Variants in DRICH1 observed in about 807,000 individuals in gnomAD.
DRICH1 encodes the protein aspartate rich 1.
In DRICH1, 38 loss-of-function variants were observed where a neutral mutation model predicts 39.5. The ratio of observed to expected loss-of-function variants is 0.96; its 90% CI spans 0.74 to 1.26. The LOEUF is 1.26. Ranked by LOEUF, DRICH1 falls within the 50% of genes most tolerant of loss-of-function variation. DRICH1 has a pLI of 0.00. For missense variants in DRICH1, 279 were observed against 270.4 expected (o/e 1.03, Z -0.22); for synonymous variants, 84 against 99.5 (o/e 0.84, Z 0.93).
At chr22:23,618,445 T>A (rs1927511038) in intron 6 of DRICH1, among the ~76,000 whole-genome samples, 1 of 152,030 alleles carries the variant, frequency 6.6e-6, no homozygotes. Flanking sequence ...AGAGATCATT[T>A]AAAAAATTAA....
the DRICH1 span, among the ~76,000 whole-genome samples, chr22:23,601,146 GCACACACACA>G: frequency 4.8e-5 from 7 of 146,216 alleles, no homozygotes; most frequent in South Asian, 2.2e-4. Flanking sequence ...ACGCACGCGC[GCACACACACA>G]CACACACACA....
intron 10 of DRICH1, 68 bp from the exon 11 acceptor site, chr22:23,613,398 T>G: frequency 7.5e-7 from 1 of 1,334,476 alleles, no homozygotes. Context: ...CTACTTTACT[T>G]TAGCTGAAGC....
intron 1 of DRICH1, among the ~76,000 whole-genome samples, chr22:23,628,280 ACGTCAG>A (rs1320939924): frequency 4.6e-5 from 7 of 152,134 alleles, no homozygotes; most frequent in Admixed American, 4.6e-4. Context: ...GTTGATACAC[ACGTCAG>A]CCAGGCACAG....
At chr22:23,625,867 T>A (rs1030759525) in intron 2 of DRICH1, 114 bp downstream of exon 2, 35 of 803,680 alleles carry the variant, frequency 4.4e-5, no homozygotes, top group Non-Finnish European at 6.9e-5. Flanking sequence ...TTAAAAGTCT[T>A]ACTTTTGCTG....
At chr22:23,614,553 T>G (rs1370162971) in intron 8 of DRICH1, among the ~76,000 whole-genome samples, 1 of 152,210 alleles carries the variant, frequency 6.6e-6, no homozygotes, top group East Asian at 1.9e-4. Flanking sequence ...TTTCTTAACG[T>G]ATTCAAGACT....
rs1927730019 is a variant in DRICH1, at chr22:23,621,499, C to A, written c.384+592G>T. On this transcript the variant is annotated intron_variant, in intron 4 of 11. Coordinates refer to ENST00000317749, the MANE Select transcript of DRICH1 (RefSeq NM_016449.4). ...AAGATTGTGACCTCATAGTACTCAGCCTATGAGGAACCAGGGTAGGGACCT... is the reference window on the plus strand; with the variant it reads ...AAGATTGTGACCTCATAGTACTCAGACTATGAGGAACCAGGGTAGGGACCT... Among the ~76,000 whole-genome samples the A allele has an allele frequency of 2.0e-5, 3 of 151,984 alleles. No homozygotes were observed. In the South Asian group the frequency reaches 6.2e-4, roughly 32 times the overall value.
intron 4 of DRICH1, 72 bp downstream of exon 4, chr22:23,622,019 T>C (rs1927768715): frequency 2.6e-5 from 37 of 1,428,238 alleles, no homozygotes; most frequent in Non-Finnish European, 3.4e-5. Flanking sequence ...TTCTTTGGGA[T>C]TGGACTGGTG....
chr22:23,622,309 C>A, intron 3 of DRICH1, 133 bp from the exon 4 acceptor site: 1 of 828,486 alleles, frequency 1.2e-6, no homozygotes, highest in East Asian at 2.5e-5. Flanking sequence ...GGGCTATTCC[C>A]CTGAGTGGAA....
At chr22:23,593,630 C>A in the DRICH1 span, among the ~76,000 whole-genome samples, 3 of 152,326 alleles carry the variant, frequency 2.0e-5, 1 homozygote, top group South Asian at 6.2e-4. Flanking sequence ...GAAACCCCAT[C>A]TCTACTAAGA....
At chr22:23,586,492 A>G in the DRICH1 span, among the ~76,000 whole-genome samples, 1 of 152,136 alleles carries the variant, frequency 6.6e-6, no homozygotes, top group Non-Finnish European at 1.5e-5. Context: ...CTGTTTCAAA[A>G]GAAAACCAAA....
chr22:23,621,385 A>C (rs146796081), intron 4 of DRICH1, among the ~76,000 whole-genome samples: 1,847 of 152,078 alleles, frequency 0.012, 43 homozygotes, highest in African/African-American at 0.041. Flanking sequence ...ATGGTAATGC[A>C]TTGTGGGCTG....
intron 4 of DRICH1, among the ~76,000 whole-genome samples, chr22:23,621,092 A>G (rs1351759699): frequency 2.0e-5 from 3 of 152,162 alleles, no homozygotes; most frequent in African/African-American, 7.2e-5. Flanking sequence ...TGAAGGAAAT[A>G]ATGTATACAG....
chr22:23,591,592 C>T, the DRICH1 span, among the ~76,000 whole-genome samples: 3 of 152,110 alleles, frequency 2.0e-5, no homozygotes, highest in Admixed American at 6.5e-5. Context: ...ACCTCATCCA[C>T]GAAACAGGGA....
Position 23,614,153 on chromosome 22 carries a change from T to A in DRICH1, c.603A>T (p.Glu201Asp), listed in dbSNP as rs117546628. 1.5e-3 allele frequency: 2,385 copies of A among 1,607,368 alleles called. 22 individuals are homozygous for A. In the East Asian group the frequency reaches 0.019, roughly 13 times the overall value. ...CSLRHKDEEE[E>D]DDDDIHITAR... is the part of the protein sequence containing the mutation. ...GTCTTACGTGGATGTCATCATCATC[T>A]TCTTCTTCTTCATCTTTGTGTCTCA... The change falls in exon 9 of 12, where the codon GAA becomes GAT. Residue 201 changes from glutamate to aspartate, a missense_variant. Glu to Asp is a conservative substitution (Grantham distance 45). Coordinates refer to ENST00000317749, the MANE Select transcript of DRICH1 (RefSeq NM_016449.4).
the DRICH1 span, among the ~76,000 whole-genome samples, chr22:23,589,745 T>A: frequency 6.6e-6 from 1 of 152,170 alleles, no homozygotes; most frequent in Non-Finnish European, 1.5e-5. Flanking sequence ...CTGTTTCTAC[T>A]ACCCACTGGG....
chr22:23,616,609 G>A (rs1363742516), intron 8 of DRICH1, among the ~76,000 whole-genome samples: 1 of 152,130 alleles, frequency 6.6e-6, no homozygotes, highest in Non-Finnish European at 1.5e-5. Flanking sequence ...ATCAGGATAA[G>A]TCAGTGAGAG....
In DRICH1 at chr22:23,632,160, C is replaced by T; in HGVS notation, c.-137G>A. On this transcript the variant is annotated 5_prime_UTR_variant, in exon 1 of 12. Coordinates refer to ENST00000317749, the MANE Select transcript of DRICH1 (RefSeq NM_016449.4). ...ACCCCAGGCAGATCTGGGTCCTCAG[C>T]CCTTATTCTGCCGCCACCTCCCAAA... 1 of 1,417,078 alleles carries T rather than the reference C, an allele frequency of 7.1e-7. No individual in the cohort carries two copies. The highest frequency in any genetic ancestry group is 1.4e-5 in the African/African-American group (1 of 69,730). The allele number at this position is 1,417,078 out of a possible 1,614,324, so 87.8% of individuals were successfully genotyped here.
intron 3 of DRICH1, 133 bp downstream of exon 3, chr22:23,624,750 A>G: frequency 8.8e-7 from 1 of 1,140,210 alleles, no homozygotes; most frequent in South Asian, 1.3e-5. Flanking sequence ...CTCTGCTCAT[A>G]ATTATACACT....
At chr22:23,607,139 C>G (rs1926775980), downstream of DRICH1, 1 of 152,726 alleles carries the variant, frequency 6.5e-6, no homozygotes, top group African/African-American at 2.4e-5. Context: ...CCCGCTGTCT[C>G]CTGCCTGCAG....
Sources: allele counts gnomAD v4.1 joint callset (sites outside exome capture counted in the v4.1 genomes callset), GRCh38; gene constraint gnomAD v4.1.1; transcripts MANE v1.5; gene names NCBI Gene and HGNC (gene_info 2026-07-23, HGNC 2026-07-21).